The following USP35 variants were observed in gnomAD, a reference collection of about 807,000 sequenced individuals.
USP35 encodes ubiquitin carboxyl-terminal hydrolase 35.
USP35 carries 69 observed loss-of-function variants against 83.8 expected under a neutral mutation model. That is an observed-to-expected ratio of 0.82 (90% CI 0.68 to 1.01). The LOEUF (loss-of-function observed/expected upper bound fraction) is 1.01, where lower values mean the gene tolerates loss of function less well. Ranked by LOEUF, USP35 falls within the 50% of genes least tolerant of loss-of-function variation. USP35 has a pLI of 0.00. For missense variants in USP35, 1,503 were observed against 1,362.5 expected (o/e 1.10, Z -1.62); for synonymous variants, 714 against 589.5 (o/e 1.21, Z -3.06).
Position 78,213,847 on chromosome 11 carries a change from C to CAGGAGCCAGGT in USP35, c.*38_*48dup. 6.5e-7 allele frequency: 1 copy of CAGGAGCCAGGT among 1,532,312 alleles called. No homozygotes were observed. The highest frequency in any genetic ancestry group is 8.7e-7 in the Non-Finnish European group (1 of 1,150,878). The allele number at this position is 1,532,312 out of a possible 1,614,324, so 94.9% of individuals were successfully genotyped here. Reference sequence around the variant, plus strand: ...TGCTGCCAACCTGACCCCTTCCCTCCAGGAGCCAGGTAGGGCCTGAGGGAA... The same window carrying CAGGAGCCAGGT: ...TGCTGCCAACCTGACCCCTTCCCTCCAGGAGCCAGGTAGGAGCCAGGTAGGGCCTGAGGGAA... On this transcript the variant is annotated 3_prime_UTR_variant, in exon 11 of 11. Coordinates refer to ENST00000529308, the MANE Select transcript of USP35 (RefSeq NM_020798.4).
chr11:78,211,115 C>T (rs1051936897), intron 10 of USP35, among the ~76,000 whole-genome samples: 15 of 151,274 alleles, frequency 9.9e-5, no homozygotes, highest in African/African-American at 3.7e-4. Context: ...CCCAACAGGC[C>T]CTAGTGGGTG....
intron 3 of USP35, 130 bp from the exon 4 acceptor site, chr11:78,199,465 C>T (rs2137033712): frequency 1.4e-6 from 2 of 1,400,858 alleles, no homozygotes; most frequent in East Asian, 4.6e-5. Flanking sequence ...AGCCCACAGA[C>T]CCCGGGGCTG....
chr11:78,228,849 G>A, the USP35 span, among the ~76,000 whole-genome samples: 1 of 152,170 alleles, frequency 6.6e-6, no homozygotes, highest in East Asian at 1.9e-4. Flanking sequence ...CGGGGGGAGC[G>A]AATGGTAGAC....
At chr11:78,200,352 C>T in intron 5 of USP35, 118 bp downstream of exon 5, 1 of 1,255,402 alleles carries the variant, frequency 8.0e-7, no homozygotes, top group African/African-American at 1.5e-5. Context: ...TGGGGCAGGT[C>T]ACTTGGCTGA....
chr11:78,230,004 T>C, the USP35 span, among the ~76,000 whole-genome samples: 1 of 152,202 alleles, frequency 6.6e-6, no homozygotes, highest in Admixed American at 6.5e-5. Flanking sequence ...GTGTTACCTA[T>C]ATTAGGCACC....
At position 78,213,889 on chromosome 11, in the gene USP35, C is replaced by CTACCAAGAGGAAGG. The variant is rs1863927684; in HGVS notation, c.*77_*90dup. On this transcript the variant is annotated 3_prime_UTR_variant, in exon 11 of 11. Coordinates refer to ENST00000529308, the MANE Select transcript of USP35 (RefSeq NM_020798.4). ...CTGAGGGAAGCTGTGGAGGCAGGCC[C>CTACCAAGAGGAAGG]TACCAAGAGGAAGGATGGTACAGCT... 41 of 1,496,138 alleles carry CTACCAAGAGGAAGG rather than the reference C, an allele frequency of 2.7e-5. No individual in the cohort carries two copies. The South Asian group carries it at 5.5e-4, about 20-fold the overall frequency. The allele number at this position is 1,496,138 out of a possible 1,614,324, so 92.7% of individuals were successfully genotyped here.
At position 78,200,159 on chromosome 11, in the gene USP35, C is replaced by T. The variant is rs746892951; in HGVS notation, c.963C>T (p.Ile321=). The T allele has an allele frequency of 1.2e-5, 19 of 1,614,218 alleles. No homozygotes were observed. The highest frequency in any genetic ancestry group is 5.5e-5 in the South Asian group (5 of 91,088). The change falls in exon 5 of 11, where the codon ATC becomes ATT. Residue 321 remains isoleucine, a synonymous_variant. Coordinates refer to ENST00000529308, the MANE Select transcript of USP35 (RefSeq NM_020798.4). ...TTTTCTCTAAGCTGCTGTACCCCAT[C>T]GTCCGGGGAGCTGCCTTGTCTGTGC... ...EKVFSKLLYP[I]VRGAALSVLK...
At chr11:78,223,813 G>A in the USP35 span, 5 of 695,606 alleles carry the variant, frequency 7.2e-6, no homozygotes, top group Non-Finnish European at 1.2e-5. Flanking sequence ...AGACCTTGGG[G>A]AGACCAAATA....
In USP35 at chr11:78,209,601, C is replaced by CTT; in HGVS notation, c.1747_1748insTT (p.Cys583PhefsTer33). The CTT allele has an allele frequency of 6.2e-7, 1 of 1,614,162 alleles. No homozygotes were observed. The highest frequency in any genetic ancestry group is 8.5e-7 in the Non-Finnish European group (1 of 1,180,012). On this transcript the variant is annotated frameshift_variant, in exon 10 of 11. Coordinates refer to ENST00000529308, the MANE Select transcript of USP35 (RefSeq NM_020798.4). LOFTEE classifies it high-confidence loss of function. ...TAGTGACTCGGATCTGCTGTCTCTG[C>CTT]TGCCTCAACGTCTCCTCCCGGGAGG... is the stretch of plus-strand genomic sequence containing the variant.
chr11:78,195,554 C>A (rs1430203719), intron 1 of USP35, among the ~76,000 whole-genome samples: 1 of 152,160 alleles, frequency 6.6e-6, no homozygotes, highest in Non-Finnish European at 1.5e-5. Flanking sequence ...TCATCTCCCC[C>A]ATGGAAATGA....
chr11:78,216,119 G>C (rs1864131948), downstream of USP35: 1 of 152,716 alleles, frequency 6.5e-6, no homozygotes, highest in Non-Finnish European at 1.5e-5. Context: ...ACCAGCTGTG[G>C]ATGGGACCTC....
At position 78,214,187 on chromosome 11, in the gene USP35, C is replaced by T. The variant is rs2450137; in HGVS notation, c.*374C>T. 129 of 170,244 alleles carry T rather than the reference C, an allele frequency of 7.6e-4. No individual in the cohort carries two copies. Among genetic ancestry groups the T allele is most frequent in the African/African-American group, 1.1e-3 (44 of 40,862 alleles). The allele number at this position is 170,244 out of a possible 1,614,324, so 10.5% of individuals were successfully genotyped here. The stretch of plus-strand genomic sequence containing the variant: ...TTGACATCAAGTACTATTTTCCTTC[C>T]GACTGCTGTACGGTATAAAGCACAG... On this transcript the variant is annotated 3_prime_UTR_variant, in exon 11 of 11. Coordinates refer to ENST00000529308, the MANE Select transcript of USP35 (RefSeq NM_020798.4).
the USP35 span, chr11:78,221,876 T>C: frequency 1.3e-6 from 1 of 792,162 alleles, no homozygotes; most frequent in Admixed American, 2.1e-5. Context: ...CACCCAGACC[T>C]CAGCCATTAG....
At chr11:78,223,817 C>A in the USP35 span, 1 of 665,978 alleles carries the variant, frequency 1.5e-6, no homozygotes. Flanking sequence ...CTTGGGGAGA[C>A]CAAATAAGAA....
the USP35 span, among the ~76,000 whole-genome samples, chr11:78,230,733 A>G: frequency 6.6e-6 from 1 of 152,266 alleles, no homozygotes; most frequent in Admixed American, 6.5e-5. Flanking sequence ...ACTCTTGCCC[A>G]AAGTTACATA....
chr11:78,216,005 A>G (rs1864121765), downstream of USP35: 1 of 152,610 alleles, frequency 6.6e-6, no homozygotes, highest in Non-Finnish European at 1.5e-5. Flanking sequence ...TACATTGGAA[A>G]CCACTAAAGT....
At chr11:78,228,847 G>A in the USP35 span, among the ~76,000 whole-genome samples, 1 of 152,124 alleles carries the variant, frequency 6.6e-6, no homozygotes, top group Non-Finnish European at 1.5e-5. Context: ...GGCGGGGGGA[G>A]CGAATGGTAG....
chr11:78,221,648 G>T, the USP35 span: 17 of 1,443,624 alleles, frequency 1.2e-5, no homozygotes, highest in Non-Finnish European at 1.6e-5. Flanking sequence ...CTTGAAAGGC[G>T]TCATTCCAGC....
the USP35 span, among the ~76,000 whole-genome samples, chr11:78,224,087 AT>A: frequency 6.6e-6 from 1 of 152,212 alleles, no homozygotes; most frequent in Non-Finnish European, 1.5e-5. Context: ...GTTTCAAAAA[AT>A]AAAAAATAAA....
Sources: gnomAD v4.1 joint callset for allele counts (sites outside exome capture counted in the v4.1 genomes callset) on GRCh38, gnomAD v4.1.1 for gene constraint, MANE v1.5 for transcripts, NCBI Gene and HGNC (gene_info 2026-07-23, HGNC 2026-07-21) for gene names.